The following AGBL4 variants were observed in gnomAD, a reference collection of about 807,000 sequenced individuals.
AGBL4 encodes the protein cytosolic carboxypeptidase 6.
AGBL4 carries 58 observed loss-of-function variants against 66.4 expected under a neutral mutation model. That is an observed-to-expected ratio of 0.87 (90% CI 0.71 to 1.09). The LOEUF is 1.09. Ranked by LOEUF, AGBL4 falls within the 50% of genes least tolerant of loss-of-function variation. AGBL4 has a pLI of 0.00. For synonymous variants in AGBL4, 234 were observed against 222.9 expected (o/e 1.05, Z -0.44); for missense variants, 579 against 631.0 (o/e 0.92, Z 0.88).
At chr1:48,752,202 G>C (rs917514767) in intron 6 of AGBL4, among the ~76,000 whole-genome samples, 7 of 152,112 alleles carry the variant, frequency 4.6e-5, no homozygotes, top group African/African-American at 1.7e-4. Flanking sequence ...CTTTCTCAAA[G>C]CCCAACTTTT....
intron 3 of AGBL4, among the ~76,000 whole-genome samples, chr1:49,310,618 T>C (rs1032748127): frequency 1.3e-5 from 2 of 152,052 alleles, no homozygotes; most frequent in African/African-American, 2.4e-5. Flanking sequence ...TGAAGATACA[T>C]GGAATTTGAT....
chr1:49,358,927 T>G (rs997945601), intron 3 of AGBL4, among the ~76,000 whole-genome samples: 1 of 152,228 alleles, frequency 6.6e-6, no homozygotes, highest in Non-Finnish European at 1.5e-5. Flanking sequence ...ACATTTATAA[T>G]AATAGTCCCC....
At chr1:48,527,612 A>G in the AGBL4 span, among the ~76,000 whole-genome samples, 2 of 151,718 alleles carry the variant, frequency 1.3e-5, no homozygotes, top group African/African-American at 2.4e-5. Flanking sequence ...AAAAAAATTG[A>G]TAAACAGATG....
chr1:48,611,115 C>G (rs1020108579), intron 9 of AGBL4, among the ~76,000 whole-genome samples: 3 of 152,254 alleles, frequency 2.0e-5, no homozygotes, highest in Non-Finnish European at 4.4e-5. Context: ...CTGCCCAGCT[C>G]TGTCAGCTGC....
intron 8 of AGBL4, among the ~76,000 whole-genome samples, chr1:48,648,487 C>T (rs1026848122): frequency 1.3e-5 from 2 of 152,122 alleles, no homozygotes; most frequent in African/African-American, 4.8e-5. Flanking sequence ...ATAGGCCAGG[C>T]GAGAGAAGTG....
intron 6 of AGBL4, among the ~76,000 whole-genome samples, chr1:48,855,693 G>C (rs958825793): frequency 6.6e-6 from 1 of 151,466 alleles, no homozygotes; most frequent in Non-Finnish European, 1.5e-5. Context: ...ATAAATTTAT[G>C]GTAGAGTTAT....
chr1:48,990,569 G>T (rs988111732), intron 5 of AGBL4, among the ~76,000 whole-genome samples: 1 of 151,988 alleles, frequency 6.6e-6, no homozygotes, highest in African/African-American at 2.4e-5. Context: ...TTTTGTATAT[G>T]GTGAGAGATA....
chr1:50,020,240 A>T (rs1662343115), intron 1 of AGBL4, among the ~76,000 whole-genome samples: 1 of 152,136 alleles, frequency 6.6e-6, no homozygotes, highest in Admixed American at 6.5e-5. Context: ...AGAATTTCTT[A>T]TACTCATCAT....
At chr1:49,852,138 C>T (rs1377510814) in intron 1 of AGBL4, among the ~76,000 whole-genome samples, 1 of 152,068 alleles carries the variant, frequency 6.6e-6, no homozygotes, top group Non-Finnish European at 1.5e-5. Flanking sequence ...ACCCTAACAA[C>T]AACAAATATC....
At chr1:49,579,965 T>C (rs1011089990) in intron 3 of AGBL4, among the ~76,000 whole-genome samples, 1 of 152,196 alleles carries the variant, frequency 6.6e-6, no homozygotes, top group Non-Finnish European at 1.5e-5. Context: ...GGTCTAGTAA[T>C]ATTTGTTTTA....
At chr1:48,654,945 G>A (rs1238845714) in intron 7 of AGBL4, among the ~76,000 whole-genome samples, 1 of 152,332 alleles carries the variant, frequency 6.6e-6, no homozygotes, top group South Asian at 2.1e-4. Flanking sequence ...CTTGTTAGGG[G>A]CTAATAATTG....
chr1:49,581,224 T>C (rs997089043), intron 3 of AGBL4, among the ~76,000 whole-genome samples: 2 of 152,182 alleles, frequency 1.3e-5, no homozygotes, highest in Non-Finnish European at 2.9e-5. Flanking sequence ...ATTTCCTTGG[T>C]AAATTTCTCA....
chr1:49,372,701 T>C (rs1204773623), intron 3 of AGBL4, among the ~76,000 whole-genome samples: 3 of 147,900 alleles, frequency 2.0e-5, no homozygotes, highest in Non-Finnish European at 1.5e-5. Flanking sequence ...CTTTCTTTCT[T>C]TTTCTTTCTC....
chr1:49,394,004 A>C (rs1006522752), intron 3 of AGBL4, among the ~76,000 whole-genome samples: 4 of 152,144 alleles, frequency 2.6e-5, no homozygotes, highest in Non-Finnish European at 5.9e-5. Flanking sequence ...AAATAGAAGC[A>C]TTTTAAGACA....
At chr1:48,754,248 C>T (rs1357121762) in intron 6 of AGBL4, among the ~76,000 whole-genome samples, 2 of 152,156 alleles carry the variant, frequency 1.3e-5, no homozygotes, top group African/African-American at 4.8e-5. Flanking sequence ...CACATGGGGG[C>T]TTACCCTCCC....
At chr1:49,598,738 C>G (rs1378112412) in intron 3 of AGBL4, among the ~76,000 whole-genome samples, 7 of 152,254 alleles carry the variant, frequency 4.6e-5, no homozygotes, top group African/African-American at 1.7e-4. Context: ...AACCACTGCT[C>G]TCTTCAAAGC....
chr1:49,516,055 A>G (rs1367886411), intron 3 of AGBL4, among the ~76,000 whole-genome samples: 2 of 151,060 alleles, frequency 1.3e-5, no homozygotes, highest in African/African-American at 4.9e-5. Context: ...AAAAAAAAGA[A>G]TCAAGACTGC....
At chr1:49,483,679 A>G (rs1647003855) in intron 3 of AGBL4, among the ~76,000 whole-genome samples, 2 of 152,058 alleles carry the variant, frequency 1.3e-5, no homozygotes, top group African/African-American at 4.8e-5. Context: ...TCCAGGACAT[A>G]GAACTGGGCA....
intron 5 of AGBL4, among the ~76,000 whole-genome samples, chr1:48,960,071 C>A (rs778723957): frequency 6.6e-6 from 1 of 152,080 alleles, no homozygotes; most frequent in Non-Finnish European, 1.5e-5. Context: ...GAGGCAACAG[C>A]AGAATCAGGG....
Sources: allele counts gnomAD v4.1 joint callset (sites outside exome capture counted in the v4.1 genomes callset), GRCh38; gene constraint gnomAD v4.1.1; transcripts MANE v1.5; gene names NCBI Gene and HGNC (gene_info 2026-07-23, HGNC 2026-07-21).